Variants in RBAK observed in about 807,000 individuals in gnomAD.
RBAK encodes the protein RB-associated KRAB zinc finger protein.
RBAK carries 39 observed loss-of-function variants against 65.8 expected under a neutral mutation model. That is an observed-to-expected ratio of 0.59 (90% CI 0.46 to 0.77). RBAK has a LOEUF of 0.77. Ranked by LOEUF, RBAK falls within the 30% of genes least tolerant of loss-of-function variation. The pLI is 0.00. For missense variants in RBAK, 884 were observed against 855.1 expected (o/e 1.03, Z -0.42); for synonymous variants, 343 against 289.7 (o/e 1.18, Z -1.87).
At position 5,048,653 on chromosome 7, in the gene RBAK, A is replaced by G. The variant is rs1788047868; in HGVS notation, c.15+562A>G. 6.6e-6 allele frequency among the ~76,000 whole-genome samples: 1 copy of G among 152,202 alleles called. No homozygotes were observed. The highest frequency in any genetic ancestry group is 1.5e-5 in the Non-Finnish European group (1 of 68,042). On this transcript the variant is annotated intron_variant, in intron 2 of 4. Transcript: ENST00000396912. This position sits in a 1 kb window ranked among gnomAD's most constrained non-coding sequence, Gnocchi z 4.4. ...ATTCTTGGCAGTCATCACAAAAGGA[A>G]AATGCCATCTGTATTAGTCCATTCT...
At position 5,064,972 on chromosome 7, in the gene RBAK, T is replaced by G; in HGVS notation, c.1516T>G (p.Leu506Val). ...TCTCACCGACCATCATACAGCTCAT[T>G]TAGAAGAGAAACCCTATGAATGTAA... ...LYLTDHHTAH[L>V]EEKPYECNEC... The change falls in exon 5 of 5, where the codon TTA becomes GTA. Residue 506 changes from leucine (L) to valine (V), a missense_variant. Physicochemically the swap from Leu to Val is conservative, Grantham distance 32. Coordinates refer to ENST00000396912, the MANE Select transcript of RBAK (RefSeq NM_021163.4). This position sits in a 1 kb window ranked among gnomAD's most constrained non-coding sequence, Gnocchi z 6.3. 1 of 1,614,020 alleles carries G rather than the reference T, an allele frequency of 6.2e-7. No individual in the cohort carries two copies. The highest frequency in any genetic ancestry group is 1.1e-5 in the South Asian group (1 of 91,076).
At chr7:5,054,405 CA>C (rs35087089) in intron 2 of RBAK, among the ~76,000 whole-genome samples, 18,584 of 103,700 alleles carry the variant, frequency 0.18, 1,196 homozygotes, top group South Asian at 0.28. Flanking sequence ...GACTTTGCCT[CA>C]AAAAAAAAAA....
intron 2 of RBAK, among the ~76,000 whole-genome samples, chr7:5,052,627 TAGGA>T (rs960122530): frequency 6.6e-6 from 1 of 152,232 alleles, no homozygotes; most frequent in East Asian, 1.9e-4. Context: ...AAGCTTACAA[TAGGA>T]TACTTTCATT....
At chr7:5,054,551 G>A (rs926845824) in intron 2 of RBAK, among the ~76,000 whole-genome samples, 3 of 151,998 alleles carry the variant, frequency 2.0e-5, no homozygotes, top group Non-Finnish European at 2.9e-5. Flanking sequence ...TATCACAACT[G>A]AGGGCAGAAG....
Position 5,057,288 on chromosome 7 carries a change from A to G in RBAK, c.16-7A>G, listed in dbSNP as rs1454403465. On this transcript the variant is annotated splice_region_variant and splice_polypyrimidine_tract_variant and intron_variant, in intron 2 of 4. Coordinates refer to ENST00000396912, the MANE Select transcript of RBAK (RefSeq NM_021163.4). ...ATCTCCCAATTCTGATCATGTTGCC[A>G]TTACAGGGGCCAGTGTCATTCAAAG... 6 of 1,613,952 alleles carry G rather than the reference A, an allele frequency of 3.7e-6. No individual in the cohort carries two copies. The highest frequency in any genetic ancestry group is 5.1e-6 in the Non-Finnish European group (6 of 1,179,998).
intron 4 of RBAK, among the ~76,000 whole-genome samples, chr7:5,060,307 T>C (rs772686184): frequency 2.0e-5 from 3 of 152,188 alleles, no homozygotes; most frequent in Non-Finnish European, 4.4e-5. Flanking sequence ...CAGATTCTGA[T>C]AAAACAGATA....
chr7:5,065,484 G>A lies in RBAK; in HGVS notation c.2028G>A (p.Glu676=), dbSNP rs61735209. The change falls in exon 5 of 5, where the codon GAG becomes GAA. Residue 676 remains glutamate, a synonymous_variant. Transcript: ENST00000396912. This position sits in a 1 kb window ranked among gnomAD's most constrained non-coding sequence, Gnocchi z 5.3. ...LTVHYRTHSG[E]KPYECNECGK... is the part of the protein sequence containing the mutation. ...TACACTATAGAACTCATTCAGGAGA[G>A]AAACCCTATGAATGTAACGAGTGTG... The A allele has an allele frequency of 5.2e-3, 8,367 of 1,606,480 alleles. 43 individuals are homozygous for A. The highest frequency in any genetic ancestry group is 0.015 in the South Asian group (1,322 of 90,426).
chr7:5,061,659 AGGCTGAGGTGGGT>A (rs1482302675), intron 4 of RBAK, among the ~76,000 whole-genome samples: 1 of 150,550 alleles, frequency 6.6e-6, no homozygotes, highest in East Asian at 2.0e-4. Flanking sequence ...GCACTTTGGG[AGGCTGAGGTGGGT>A]GGATCACCTG....
Position 5,055,802 on chromosome 7 carries a change from A to G in RBAK, c.16-1493A>G, listed in dbSNP as rs183976268. On this transcript the variant is annotated intron_variant, in intron 2 of 4. Transcript: ENST00000396912. ...GTTATTACTCTCTCTCGGTGATTTT[A>G]TCAGCTCCTGTGGCCTGACTGTGGA... is the stretch of plus-strand genomic sequence containing the variant. 1.5e-4 allele frequency among the ~76,000 whole-genome samples: 22 copies of G among 151,624 alleles called. No individual in the cohort carries two copies. In the East Asian group the frequency reaches 4.3e-3, roughly 29 times the overall value.
At position 5,046,312 on chromosome 7, in the gene RBAK, C is replaced by A. The variant is rs1441933290; in HGVS notation, c.-129C>A. On this transcript the variant is annotated 5_prime_UTR_variant, in exon 1 of 5. Transcript: ENST00000396912. ...CTTAGTGAGGTGGACAGGAGGGGAC[C>A]TCGCGAGCAGACGCGCGCCAGCGAC... 3.9e-6 allele frequency: 2 copies of A among 516,200 alleles called. No homozygotes were observed. Among genetic ancestry groups the A allele is most frequent in the Admixed American group, 1.9e-5 (1 of 51,484 alleles). 32.0% of individuals were successfully genotyped at this position (516,200 alleles called of 1,614,324 possible).
intron 4 of RBAK, among the ~76,000 whole-genome samples, chr7:5,059,888 G>A (rs1156472712): frequency 2.6e-5 from 4 of 152,054 alleles, no homozygotes; most frequent in Non-Finnish European, 4.4e-5. Context: ...TGATAGGAGT[G>A]TATGCTCTAT....
rs1255443085 is a variant in RBAK at position 5,064,666 on chromosome 7, A to G, written c.1210A>G (p.Asn404Asp). The G allele has an allele frequency of 6.2e-7, 1 of 1,612,078 alleles. No homozygotes were observed. Among genetic ancestry groups the G allele is most frequent in the Non-Finnish European group, 8.5e-7 (1 of 1,178,434 alleles). Residue 404 changes from asparagine (N) to aspartate (D), a missense_variant, in exon 5 of 5, where the codon AAT becomes GAT. Asn to Asp is a conservative substitution (Grantham distance 23). Transcript: ENST00000396912. This position sits in a 1 kb window ranked among gnomAD's most constrained non-coding sequence, Gnocchi z 6.3. ...CACGGGAGAGAAGCTTTATAAATGT[A>G]ATGAATGTGGGAAATCCTACTACCG... The part of the protein sequence containing the change: ...THTGEKLYKC[N>D]ECGKSYYRKS...
chr7:5,065,497 T>A lies in RBAK; in HGVS notation c.2041T>A (p.Cys681Ser), dbSNP rs1562541848. ...RTHSGEKPYE[C>S]NECGKKFHHR... Reference sequence around the variant, plus strand: ...TCATTCAGGAGAGAAACCCTATGAATGTAACGAGTGTGGGAAAAAATTCCA... The same window carrying A: ...TCATTCAGGAGAGAAACCCTATGAAAGTAACGAGTGTGGGAAAAAATTCCA... The change falls in exon 5 of 5, where the codon TGT becomes AGT. Residue 681 changes from cysteine (C) to serine (S), a missense_variant. Coordinates refer to ENST00000396912, the MANE Select transcript of RBAK (RefSeq NM_021163.4). This position sits in a 1 kb window ranked among gnomAD's most constrained non-coding sequence, Gnocchi z 5.3. The A allele has an allele frequency of 6.2e-7, 1 of 1,604,818 alleles. No homozygotes were observed. Among genetic ancestry groups the A allele is most frequent in the Admixed American group, 1.7e-5 (1 of 59,206 alleles).
intron 2 of RBAK, among the ~76,000 whole-genome samples, chr7:5,050,054 C>T (rs1459733744): frequency 6.6e-6 from 1 of 152,170 alleles, no homozygotes; most frequent in African/African-American, 2.4e-5. Flanking sequence ...TCAGACTGGT[C>T]TCAAACTCCT....
chr7:5,062,676 T>C (rs936218163), intron 4 of RBAK, among the ~76,000 whole-genome samples: 4 of 152,198 alleles, frequency 2.6e-5, no homozygotes, highest in African/African-American at 9.6e-5. Flanking sequence ...CTGGGAGCAC[T>C]ATGGGAGACT....
At chr7:5,051,924 T>A (rs1418012902) in intron 2 of RBAK, among the ~76,000 whole-genome samples, 1 of 152,200 alleles carries the variant, frequency 6.6e-6, no homozygotes, top group Non-Finnish European at 1.5e-5. Flanking sequence ...GGTTGTGTTG[T>A]TCAGGTGTAT....
At chr7:5,060,888 G>A (rs1480173768) in intron 4 of RBAK, among the ~76,000 whole-genome samples, 1 of 152,154 alleles carries the variant, frequency 6.6e-6, no homozygotes, top group Admixed American at 6.6e-5. Flanking sequence ...GTGGGTGATA[G>A]CAGCTAAAAA....
At position 5,064,108 on chromosome 7, in the gene RBAK, G is replaced by C. The variant is rs1419012983; in HGVS notation, c.652G>C (p.Ala218Pro). Reference protein sequence around the residue: ...NECMEALDNEAVFIAHKRAYI... With the variant: ...NECMEALDNEPVFIAHKRAYI... ...ATGCATGGAAGCCTTAGACAATGAG[G>C]CTGTTTTTATTGCTCATAAGAGAGC... Residue 218 changes from alanine to proline, a missense_variant, in exon 5 of 5, where the codon GCT becomes CCT. Ala to Pro is a conservative substitution (Grantham distance 27). Transcript: ENST00000396912. The surrounding 1 kb of genome is among the most constrained non-coding windows in gnomAD (Gnocchi z 6.3). The C allele has an allele frequency of 8.1e-6, 13 of 1,613,778 alleles. No homozygotes were observed. The highest frequency in any genetic ancestry group is 1.1e-5 in the Non-Finnish European group (13 of 1,180,020).
Position 5,064,023 on chromosome 7 carries a change from C to G in RBAK, c.567C>G (p.His189Gln). The change falls in exon 5 of 5, where the codon CAC becomes CAG. Residue 189 changes from histidine (H) to glutamine (Q), a missense_variant. Transcript: ENST00000396912. The surrounding 1 kb of genome is among the most constrained non-coding windows in gnomAD (Gnocchi z 6.3). ...EFNQNGDTYS[H>Q]NEENILQKIS... ...ATCAAAATGGGGATACCTATTCTCACAATGAAGAAAATATTCTTCAGAAAA... is the reference window on the plus strand; with the variant it reads ...ATCAAAATGGGGATACCTATTCTCAGAATGAAGAAAATATTCTTCAGAAAA... The G allele has an allele frequency of 6.2e-7, 1 of 1,613,122 alleles. No individual in the cohort carries two copies. Among genetic ancestry groups the G allele is most frequent in the Non-Finnish European group, 8.5e-7 (1 of 1,179,682 alleles).
Sources: gnomAD v4.1 joint callset for allele counts (sites outside exome capture counted in the v4.1 genomes callset) on GRCh38, gnomAD v4.1.1 for gene constraint, Gnocchi (gnomAD v3.1) non-coding constraint, MANE v1.5 for transcripts, NCBI Gene and HGNC (gene_info 2026-07-23, HGNC 2026-07-21) for gene names.